CBLB: variants seen among roughly 807,000 people sequenced by gnomAD.
The protein encoded by CBLB is Cbl proto-oncogene B.
A neutral mutation model predicts 104.9 loss-of-function variants in CBLB; 31 were observed. The ratio of observed to expected loss-of-function variants is 0.30; its 90% CI spans 0.22 to 0.40. The LOEUF is 0.40. Ranked by LOEUF, CBLB falls within the 10% of genes least tolerant of loss-of-function variation. CBLB has a pLI of 1.00. For missense variants in CBLB, 1,062 were observed against 1,214.6 expected (o/e 0.87, Z 1.87); for synonymous variants, 440 against 422.6 (o/e 1.04, Z -0.51).
intron 17 of CBLB, among the ~76,000 whole-genome samples, chr3:105,675,101 CAT>C (rs34108630): frequency 0.029 from 4,408 of 152,260 alleles, 104 homozygotes; most frequent in Non-Finnish European, 0.044. Flanking sequence ...AGTATAATAT[CAT>C]GAGAAAATTC....
intron 4 of CBLB, among the ~76,000 whole-genome samples, chr3:105,755,411 G>A (rs2076999395): frequency 6.6e-6 from 1 of 151,876 alleles, no homozygotes; most frequent in Non-Finnish European, 1.5e-5. Flanking sequence ...TAAATGTGGA[G>A]AAGTGTATTA....
At chr3:105,720,620 C>A (rs1420822667) in intron 9 of CBLB, among the ~76,000 whole-genome samples, 2 of 152,168 alleles carry the variant, frequency 1.3e-5, no homozygotes, top group East Asian at 1.9e-4. Context: ...GCAGTACTAA[C>A]CAAACATTCC....
At chr3:105,847,365 T>C (rs956106010) in intron 3 of CBLB, among the ~76,000 whole-genome samples, 10 of 151,028 alleles carry the variant, frequency 6.6e-5, no homozygotes, top group African/African-American at 2.4e-4. Flanking sequence ...AAATACTTTT[T>C]TTAACTACAG....
chr3:105,819,346 G>C (rs1577483750), intron 3 of CBLB, among the ~76,000 whole-genome samples: 1 of 152,206 alleles, frequency 6.6e-6, no homozygotes, highest in African/African-American at 2.4e-5. Context: ...AATTAGCCAG[G>C]CGTGGTGGCA....
intron 10 of CBLB, among the ~76,000 whole-genome samples, chr3:105,708,318 C>CTGATT (rs1937578836): frequency 6.6e-6 from 1 of 152,102 alleles, no homozygotes; most frequent in Admixed American, 6.6e-5. Context: ...TTATCACTTA[C>CTGATT]TGATTTGTCC....
Position 105,751,624 on chromosome 3 carries a change from C to T in CBLB, c.567-6G>A. 6.2e-7 allele frequency: 1 copy of T among 1,611,702 alleles called. No homozygotes were observed. Among genetic ancestry groups the T allele is most frequent in the Non-Finnish European group, 8.5e-7 (1 of 1,178,160 alleles). On this transcript the variant is annotated splice_region_variant and splice_polypyrimidine_tract_variant and intron_variant, in intron 4 of 18. Coordinates refer to ENST00000394030, the MANE Select transcript of CBLB (RefSeq NM_170662.5). ...CTTTCCATGGTACGATAGTTCTGTG[C>T]AAGGTGGAAAAAAAGGGAAATAATT... is the stretch of plus-strand genomic sequence containing the variant.
chr3:105,822,620 G>A (rs911724425), intron 3 of CBLB, among the ~76,000 whole-genome samples: 3 of 152,108 alleles, frequency 2.0e-5, no homozygotes, highest in Non-Finnish European at 4.4e-5. Context: ...ATATGCATGG[G>A]AAAATCTGCC....
chr3:105,681,902 C>T (rs1205440685), intron 14 of CBLB, 84 bp from the exon 15 acceptor site: 1 of 799,780 alleles, frequency 1.3e-6, no homozygotes, highest in Non-Finnish European at 2.2e-6. Context: ...AACTAGTATT[C>T]CTGTTTATTT....
chr3:105,720,751 T>A (rs13064310), intron 9 of CBLB, among the ~76,000 whole-genome samples: 32,783 of 152,134 alleles, frequency 0.22, 3,661 homozygotes, highest in Admixed American at 0.26. Flanking sequence ...TATTTTAAAA[T>A]CTTTATACAC....
Position 105,704,180 on chromosome 3 carries a change from C to T in CBLB, c.1408-7G>A, listed in dbSNP as rs763800608. On this transcript the variant is annotated splice_region_variant and splice_polypyrimidine_tract_variant and intron_variant, in intron 10 of 18. Coordinates refer to ENST00000394030, the MANE Select transcript of CBLB (RefSeq NM_170662.5). ...AGTTCTGCCTGTCAGTGCACTAGAA[C>T]AGAAAAAGAGAAAGATGCCGCTGTT... is the stretch of plus-strand genomic sequence containing the variant. 6.2e-7 allele frequency: 1 copy of T among 1,613,562 alleles called. No individual in the cohort carries two copies. The highest frequency in any genetic ancestry group is 1.1e-5 in the South Asian group (1 of 91,052).
At chr3:105,761,658 T>C (rs893785753) in intron 4 of CBLB, among the ~76,000 whole-genome samples, 6 of 152,222 alleles carry the variant, frequency 3.9e-5, no homozygotes, top group South Asian at 2.1e-4. Context: ...TCTTTTTCTT[T>C]ATAAATTACC....
In CBLB at chr3:105,776,463, G is replaced by C. The variant is rs753327380; in HGVS notation, c.499C>G (p.Gln167Glu). 2 of 1,613,512 alleles carry C rather than the reference G, an allele frequency of 1.2e-6. No homozygotes were observed. The highest frequency in any genetic ancestry group is 1.7e-6 in the Non-Finnish European group (2 of 1,179,634). Reference sequence around the variant, plus strand: ...TTTGTGATACGAAAGTTATCTCCCTGGAATTGACCATTGGGAAAGATTGCT... The same window carrying C: ...TTTGTGATACGAAAGTTATCTCCCTCGAATTGACCATTGGGAAAGATTGCT... ...IKAIFPNGQFQGDNFRITKAD... is the reference protein window; with the variant it reads ...IKAIFPNGQFEGDNFRITKAD... The change falls in exon 4 of 19, where the codon CAG becomes GAG. Residue 167 changes from glutamine to glutamate, a missense_variant. By Grantham distance (29) the Gln-to-Glu change is conservative. Around this residue, in one of 2 missense-constraint regions of CBLB, gnomAD observed 457 missense variants for 632.0 expected, o/e 0.72. Transcript: ENST00000394030.
chr3:105,714,980 C>T (rs540236720), intron 10 of CBLB, among the ~76,000 whole-genome samples: 1 of 152,300 alleles, frequency 6.6e-6, no homozygotes, highest in African/African-American at 2.4e-5. Context: ...AAGAACTAAT[C>T]TGGGCTCATT....
rs544918172 is a variant in CBLB, at chr3:105,683,982, A to G, written c.2201+1338T>C. 1.2e-3 allele frequency among the ~76,000 whole-genome samples: 188 copies of G among 152,356 alleles called. 1 individual carries two copies. The highest frequency in any genetic ancestry group is 2.2e-3 in the Non-Finnish European group (152 of 68,030). Reference sequence around the variant, plus strand: ...ATGTGCTTCTCTTTCCAAGTGCTGCATTTCCTACCTCAGTGAGATGCCTGA... The same window carrying G: ...ATGTGCTTCTCTTTCCAAGTGCTGCGTTTCCTACCTCAGTGAGATGCCTGA... On this transcript the variant is annotated intron_variant, in intron 14 of 18. Coordinates refer to ENST00000394030, the MANE Select transcript of CBLB (RefSeq NM_170662.5).
intron 7 of CBLB, among the ~76,000 whole-genome samples, chr3:105,739,652 G>A (rs1009655578): frequency 2.6e-5 from 4 of 152,098 alleles, no homozygotes; most frequent in African/African-American, 9.7e-5. Context: ...AAAAGGAATA[G>A]CTTGAGATAA....
intron 11 of CBLB, 65 bp downstream of exon 11, chr3:105,703,923 G>T: frequency 6.9e-7 from 1 of 1,442,302 alleles, no homozygotes; most frequent in African/African-American, 1.4e-5. Flanking sequence ...GAATTTAAAA[G>T]AATCTGAGCA....
chr3:105,677,235 T>C (rs986676780), intron 17 of CBLB, among the ~76,000 whole-genome samples: 1 of 152,028 alleles, frequency 6.6e-6, no homozygotes, highest in African/African-American at 2.4e-5. Context: ...AAGCAGAAGA[T>C]TATTCTTGAA....
At chr3:105,784,147 T>A (rs2080664339) in intron 3 of CBLB, among the ~76,000 whole-genome samples, 1 of 152,230 alleles carries the variant, frequency 6.6e-6, no homozygotes, top group Non-Finnish European at 1.5e-5. Context: ...AAACTCTTTA[T>A]CTTTAGTATT....
Position 105,867,606 on chromosome 3 carries a change from T to C in CBLB, c.-14-15A>G, listed in dbSNP as rs2092498617. 4.3e-6 allele frequency: 7 copies of C among 1,612,506 alleles called. No individual in the cohort carries two copies. Among genetic ancestry groups the C allele is most frequent in the Non-Finnish European group, 5.9e-6 (7 of 1,178,580 alleles). ...GAATTTTAGTTCTTTAAAAGGCAGA[T>C]TTAAAAAAAGAAAAGTTAGTTGGTT... On this transcript the variant is annotated splice_polypyrimidine_tract_variant and intron_variant, in intron 1 of 18. Transcript: ENST00000394030.
Sources: gnomAD v4.1 joint callset for allele counts (sites outside exome capture counted in the v4.1 genomes callset) on GRCh38, gnomAD v4.1.1 for gene constraint, gnomAD v4.1.1 regional missense constraint, MANE v1.5 for transcripts, NCBI Gene and HGNC (gene_info 2026-07-23, HGNC 2026-07-21) for gene names.